The following TMEM217 variants were observed in gnomAD, a reference collection of about 807,000 sequenced individuals.
TMEM217 encodes chromosome 6 open reading frame 128.
For synonymous variants in TMEM217, 76 were observed against 88.3 expected (o/e 0.86, Z 0.78); for missense variants, 204 against 248.8 (o/e 0.82, Z 1.21).
At chr6:37,253,619 T>C (rs1316494343) in intron 1 of TMEM217, among the ~76,000 whole-genome samples, 3 of 152,194 alleles carry the variant, frequency 2.0e-5, no homozygotes, top group African/African-American at 7.2e-5. Flanking sequence ...GCACAGTGCA[T>C]TGTGAGGGCT....
intron 1 of TMEM217, among the ~76,000 whole-genome samples, chr6:37,233,088 C>T (rs376780999): frequency 2.1e-4 from 32 of 152,306 alleles, no homozygotes; most frequent in South Asian, 6.2e-4. Flanking sequence ...ACATACTCAA[C>T]GAGAATGCCT....
At chr6:37,218,140 T>G (rs1420964554) in exon 2 of TMEM217, 8 of 1,098,120 alleles carry the variant, frequency 7.3e-6, no homozygotes, top group Non-Finnish European at 8.9e-6. Flanking sequence ...GCCAACATGA[T>G]TGCTTATAGT....
At chr6:37,258,042 C>T (rs917263252) in exon 1 of TMEM217, 7 of 1,552,776 alleles carry the variant, frequency 4.5e-6, no homozygotes, top group Non-Finnish European at 6.1e-6. Context: ...CCCTGAATCC[C>T]GCGGGCCTGG....
intron 1 of TMEM217, among the ~76,000 whole-genome samples, chr6:37,248,867 C>T (rs951950852): frequency 2.6e-5 from 4 of 152,180 alleles, no homozygotes; most frequent in African/African-American, 9.7e-5. Flanking sequence ...AATTTGTTCT[C>T]TTAAGGTTCT....
At position 37,218,415 on chromosome 6, in the gene TMEM217, G is replaced by T; in HGVS notation, c.*7C>A. On this transcript the variant is annotated 3_prime_UTR_variant, in exon 2 of 2. Transcript: ENST00000357219. ...TGGTCTTGAACTCCTGACCTCAGGC[G>T]ATCCACCTACCTCTGCCTCTCAAAG... 4 of 1,575,282 alleles carry T rather than the reference G, an allele frequency of 2.5e-6. No individual in the cohort carries two copies. The highest frequency in any genetic ancestry group is 2.3e-5 in the South Asian group (2 of 87,394).
chr6:37,251,840 C>T (rs1458268495), intron 1 of TMEM217, among the ~76,000 whole-genome samples: 1 of 152,002 alleles, frequency 6.6e-6, no homozygotes, highest in East Asian at 1.9e-4. Context: ...CAATGATGGG[C>T]CAAATCTGGT....
chr6:37,257,424 A>C (rs1765816752), intron 1 of TMEM217, 144 bp downstream of exon 1: 1 of 153,386 alleles, frequency 6.5e-6, no homozygotes, highest in Non-Finnish European at 1.5e-5. Context: ...CACAACCAAC[A>C]CATGGGCCCT....
upstream of TMEM217, chr6:37,258,139 C>A: frequency 4.0e-6 from 3 of 751,286 alleles, no homozygotes; most frequent in Non-Finnish European, 4.2e-6. Flanking sequence ...AAGCGAACAG[C>A]GAGCTTTGGG....
intron 1 of TMEM217, among the ~76,000 whole-genome samples, chr6:37,257,335 C>T (rs1363741177): frequency 6.6e-6 from 1 of 152,056 alleles, no homozygotes; most frequent in African/African-American, 2.4e-5. Context: ...TTCAGAAAAA[C>T]GAATGGACAT....
intron 1 of TMEM217, among the ~76,000 whole-genome samples, chr6:37,240,362 A>G (rs1209685494): frequency 6.6e-6 from 1 of 152,154 alleles, no homozygotes; most frequent in African/African-American, 2.4e-5. Flanking sequence ...GCTCTCTCTG[A>G]CTGTTGGCAG....
At chr6:37,237,434 A>G (rs992822602) in intron 1 of TMEM217, among the ~76,000 whole-genome samples, 12 of 152,234 alleles carry the variant, frequency 7.9e-5, no homozygotes, top group African/African-American at 2.9e-4. Flanking sequence ...CACTGTAAAT[A>G]TCTGACAACA....
At chr6:37,256,517 T>C (rs548741436) in intron 1 of TMEM217, among the ~76,000 whole-genome samples, 11 of 152,238 alleles carry the variant, frequency 7.2e-5, no homozygotes, top group African/African-American at 2.4e-4. Context: ...ATAAAGAAGA[T>C]AAGATGCTTT....
chr6:37,228,973 G>C (rs1184833366), intron 1 of TMEM217, among the ~76,000 whole-genome samples: 1 of 151,768 alleles, frequency 6.6e-6, no homozygotes, highest in East Asian at 1.9e-4. Context: ...CTCCAGCCTG[G>C]GTGACAGAGA....
intron 1 of TMEM217, among the ~76,000 whole-genome samples, chr6:37,243,269 T>C (rs1357112954): frequency 1.3e-5 from 2 of 152,198 alleles, no homozygotes; most frequent in Non-Finnish European, 2.9e-5. Context: ...TAGTTATAAA[T>C]TCGGTTGGCC....
chr6:37,253,425 A>G (rs11966215), intron 1 of TMEM217, among the ~76,000 whole-genome samples: 4,853 of 152,096 alleles, frequency 0.032, 247 homozygotes, highest in African/African-American at 0.11. Context: ...AATTCTAAAA[A>G]CTTTCTCTTC....
chr6:37,217,114 G>A (rs940416542), downstream of TMEM217, among the ~76,000 whole-genome samples: 9 of 152,110 alleles, frequency 5.9e-5, no homozygotes, highest in African/African-American at 2.2e-4. Context: ...ACCAACATGG[G>A]GAAACCCCGT....
chr6:37,220,322 G>A (rs139259817), intron 1 of TMEM217, among the ~76,000 whole-genome samples: 2 of 152,322 alleles, frequency 1.3e-5, no homozygotes, highest in Admixed American at 6.5e-5. Flanking sequence ...TGACAGCAAT[G>A]CAGGGTAAAG....
intron 1 of TMEM217, among the ~76,000 whole-genome samples, chr6:37,235,221 A>T (rs1764435061): frequency 3.9e-5 from 6 of 152,192 alleles, no homozygotes; most frequent in Admixed American, 3.9e-4. Flanking sequence ...ATACTACACA[A>T]TTGGAAGTGA....
intron 1 of TMEM217, among the ~76,000 whole-genome samples, chr6:37,228,907 G>A (rs1764005210): frequency 6.6e-6 from 1 of 151,676 alleles, no homozygotes; most frequent in Admixed American, 6.6e-5. Flanking sequence ...CGAGGCAGGA[G>A]AATGGCGTGA....
Sources: allele counts gnomAD v4.1 joint callset (sites outside exome capture counted in the v4.1 genomes callset), GRCh38; gene constraint gnomAD v4.1.1; transcripts MANE v1.5; gene names NCBI Gene and HGNC (gene_info 2026-07-23, HGNC 2026-07-21).